The following SCNN1B variants were observed in gnomAD, a reference collection of about 807,000 sequenced individuals.
The protein encoded by SCNN1B is epithelial sodium channel subunit beta.
In SCNN1B, 46 loss-of-function variants were observed where a neutral mutation model predicts 65.3. The observed-to-expected ratio is 0.70, with a 90% CI of 0.56 to 0.90. The LOEUF is 0.90. Ranked by LOEUF, SCNN1B falls within the 40% of genes least tolerant of loss-of-function variation. SCNN1B has a pLI of 0.00. For synonymous variants in SCNN1B, 349 were observed against 330.6 expected (o/e 1.06, Z -0.60); for missense variants, 751 against 830.5 (o/e 0.90, Z 1.18).
At chr16:23,314,787 C>T (rs942147360) in intron 1 of SCNN1B, among the ~76,000 whole-genome samples, 3 of 152,240 alleles carry the variant, frequency 2.0e-5, no homozygotes, top group Non-Finnish European at 4.4e-5. Flanking sequence ...GCCTTCAGGG[C>T]GCCACATTCC....
In SCNN1B at chr16:23,378,718, C is replaced by T. The variant is rs1962965832; in HGVS notation, c.1417C>T (p.His473Tyr). 6.2e-7 allele frequency: 1 copy of T among 1,614,116 alleles called. No homozygotes were observed. The highest frequency in any genetic ancestry group is 8.5e-7 in the Non-Finnish European group (1 of 1,180,002). ...TCTTGGGTTCCAGGACTGGATTTTCCACGTCTTGTCTCAGGAGCGGGACCA... is the reference window on the plus strand; with the variant it reads ...TCTTGGGTTCCAGGACTGGATTTTCTACGTCTTGTCTCAGGAGCGGGACCA... ...PSEASEDWIF[H>Y]VLSQERDQST... The change falls in exon 11 of 13, where the codon CAC becomes TAC. Residue 473 changes from histidine (H) to tyrosine (Y), a missense_variant. By Grantham distance (83) the His-to-Tyr change is moderately conservative. Coordinates refer to ENST00000343070, the MANE Select transcript of SCNN1B (RefSeq NM_000336.3).
chr16:23,285,795 G>A lies in SCNN1B; in HGVS notation n.178+1991G>A, dbSNP rs146891745. Reference sequence around the variant, plus strand: ...TCAAGACCAGGCTGGGCAACATGGCGAAACTCCATCTCTACTAAAACCACG... The same window carrying A: ...TCAAGACCAGGCTGGGCAACATGGCAAAACTCCATCTCTACTAAAACCACG... On this transcript the variant is annotated intron_variant and non_coding_transcript_variant, in intron 2 of 3. Transcript: ENST00000569789. Among the ~76,000 whole-genome samples the A allele has an allele frequency of 2.5e-3, 374 of 152,244 alleles. 1 individual carries two copies. Among genetic ancestry groups the A allele is most frequent in the Non-Finnish European group, 4.2e-3 (284 of 68,018 alleles).
chr16:23,292,439 C>T (rs1287147357), intron 2 of SCNN1B, among the ~76,000 whole-genome samples: 4 of 151,960 alleles, frequency 2.6e-5, no homozygotes, highest in Non-Finnish European at 4.4e-5. Context: ...CCTCGTGATC[C>T]GCCCGCCTTG....
intron 2 of SCNN1B, 126 bp from the exon 3 acceptor site, chr16:23,352,675 C>T (rs1251840097): frequency 9.7e-7 from 1 of 1,034,496 alleles, no homozygotes; most frequent in Admixed American, 1.7e-5. Context: ...TTATAAATTA[C>T]CCAGTCTCAG....
chr16:23,371,513 A>G (rs1254619889), intron 6 of SCNN1B, 51 bp downstream of exon 6: 2 of 1,585,364 alleles, frequency 1.3e-6, no homozygotes, highest in Admixed American at 1.7e-5. Context: ...GTGGGAGCCC[A>G]CCTGTCCAGG....
intron 1 of SCNN1B, among the ~76,000 whole-genome samples, chr16:23,325,322 G>A (rs377572421): frequency 9.2e-5 from 14 of 151,552 alleles, no homozygotes; most frequent in East Asian, 7.8e-4. Context: ...GCTGGAGTAC[G>A]GTGGTGCGAT....
In SCNN1B at chr16:23,280,672, A is replaced by C. The variant is rs950056451; in HGVS notation, n.110+2332A>C. 3.3e-5 allele frequency among the ~76,000 whole-genome samples: 5 copies of C among 152,238 alleles called. No homozygotes were observed. The South Asian group carries it at 1.0e-3, about 32-fold the overall frequency. ...TTCTAGTCTTGTGCTTTGGAAGAATAACACCAGGAAATGTCAGAAGCTTCC... is the reference window on the plus strand; with the variant it reads ...TTCTAGTCTTGTGCTTTGGAAGAATCACACCAGGAAATGTCAGAAGCTTCC... On this transcript the variant is annotated intron_variant and non_coding_transcript_variant, in intron 1 of 3. Transcript: ENST00000569789.
At chr16:23,343,647 G>GAAAGAAAGAA (rs1567304496) in intron 1 of SCNN1B, among the ~76,000 whole-genome samples, 1 of 109,986 alleles carries the variant, frequency 9.1e-6, no homozygotes, top group Non-Finnish European at 1.9e-5. Context: ...AAGAAAGAAA[G>GAAAGAAAGAA]AAAAAAAGAA....
intron 1 of SCNN1B, among the ~76,000 whole-genome samples, chr16:23,337,245 G>A (rs538752031): frequency 3.3e-5 from 5 of 152,066 alleles, no homozygotes; most frequent in African/African-American, 9.6e-5. Context: ...TAGAGGTGAG[G>A]CTTTCAATAT....
upstream of SCNN1B, among the ~76,000 whole-genome samples, chr16:23,298,342 G>C (rs530479853): frequency 6.6e-6 from 1 of 152,228 alleles, no homozygotes; most frequent in Admixed American, 6.5e-5. Context: ...TATTGAGGCA[G>C]CAGCAGTGTT....
chr16:23,374,473 C>T lies in SCNN1B; in HGVS notation c.1153-1265C>T, dbSNP rs1043797389. Among the ~76,000 whole-genome samples, 3 of 141,298 alleles carry T rather than the reference C, an allele frequency of 2.1e-5. No individual in the cohort carries two copies. The East Asian group carries it at 6.4e-4, about 30-fold the overall frequency. 92.7% of individuals were successfully genotyped at this position (141,298 alleles called of 152,430 possible). ...CCTGTAATCCCAGCTACTCAGGAGG[C>T]TAAGGCAGGAGAATCACTTGAACCC... On this transcript the variant is annotated intron_variant, in intron 7 of 12. Transcript: ENST00000343070.
At chr16:23,376,627 C>T (rs569364277) in intron 8 of SCNN1B, among the ~76,000 whole-genome samples, 8 of 151,616 alleles carry the variant, frequency 5.3e-5, no homozygotes, top group Non-Finnish European at 1.2e-4. Flanking sequence ...AGAATTTTGT[C>T]AGCAGGGTGC....
At chr16:23,374,543 C>T (rs551360585) in intron 7 of SCNN1B, among the ~76,000 whole-genome samples, 2 of 124,214 alleles carry the variant, frequency 1.6e-5, no homozygotes, top group South Asian at 2.5e-4. Context: ...CACTGCACTA[C>T]AGCCTGAGCA....
chr16:23,308,664 TCTGA>T (rs2141983110), intron 1 of SCNN1B, among the ~76,000 whole-genome samples: 2 of 152,276 alleles, frequency 1.3e-5, no homozygotes, highest in East Asian at 3.9e-4. Context: ...TGAGACAGAG[TCTGA>T]CTGTCACCCA....
At chr16:23,366,579 C>T (rs1250933190) in intron 4 of SCNN1B, among the ~76,000 whole-genome samples, 1 of 152,028 alleles carries the variant, frequency 6.6e-6, no homozygotes, top group Non-Finnish European at 1.5e-5. Context: ...ACTAAAAATA[C>T]ACAAATTAGC....
At chr16:23,300,852 A>G (rs552386852), upstream of SCNN1B, among the ~76,000 whole-genome samples, 1 of 152,050 alleles carries the variant, frequency 6.6e-6, no homozygotes, top group African/African-American at 2.4e-5. Context: ...AAAAAATTGT[A>G]AAAAAGCCTT....
At chr16:23,360,425 T>A (rs1160479534) in intron 4 of SCNN1B, among the ~76,000 whole-genome samples, 1 of 151,802 alleles carries the variant, frequency 6.6e-6, no homozygotes, top group East Asian at 1.9e-4. Flanking sequence ...GGTACACACC[T>A]GTAGACTCAG....
intron 4 of SCNN1B, among the ~76,000 whole-genome samples, chr16:23,360,762 A>ATTTTTGG (rs1158895088): frequency 4.0e-5 from 6 of 150,720 alleles, no homozygotes; most frequent in Non-Finnish European, 3.0e-5. Flanking sequence ...CACCTGGCTA[A>ATTTTTGG]TTTTTGGTTT....
At chr16:23,309,296 A>G (rs1961287604) in intron 1 of SCNN1B, among the ~76,000 whole-genome samples, 2 of 152,040 alleles carry the variant, frequency 1.3e-5, no homozygotes, top group African/African-American at 4.8e-5. Context: ...TCTAGTGAAG[A>G]CTGCCCCTGA....
Sources: gnomAD v4.1 joint callset for allele counts (sites outside exome capture counted in the v4.1 genomes callset) on GRCh38, gnomAD v4.1.1 for gene constraint, MANE v1.5 for transcripts, NCBI Gene and HGNC (gene_info 2026-07-23, HGNC 2026-07-21) for gene names.